The following ELOVL4 variants were observed in gnomAD, a reference collection of about 807,000 sequenced individuals.
The protein encoded by ELOVL4 is very long chain fatty acid elongase 4.
Under a neutral mutation model 42.1 loss-of-function variants are expected in ELOVL4, and 18 were observed. The ratio of observed to expected loss-of-function variants is 0.43; its 90% CI spans 0.30 to 0.63. The LOEUF (loss-of-function observed/expected upper bound fraction) is 0.63. Among genes scored for constraint, ELOVL4 ranks in the 30% least tolerant of loss-of-function variants. ELOVL4 has a pLI of 0.15. For missense variants in ELOVL4, 299 were observed against 376.2 expected (o/e 0.79, Z 1.70); for synonymous variants, 117 against 127.0 (o/e 0.92, Z 0.53).
chr6:79,924,024 A>G (rs2127698955), intron 3 of ELOVL4, among the ~76,000 whole-genome samples: 1 of 152,332 alleles, frequency 6.6e-6, no homozygotes. Flanking sequence ...TATGTTTTAT[A>G]TGTAATTTCT....
chr6:79,921,365 G>A (rs1052314099), intron 4 of ELOVL4, among the ~76,000 whole-genome samples: 3 of 148,668 alleles, frequency 2.0e-5, no homozygotes, highest in African/African-American at 7.4e-5. Context: ...GGAGGCTGAG[G>A]CAGGAGAATC....
Position 79,926,384 on chromosome 6 carries a change from A to G in ELOVL4, c.101-3T>C. The stretch of plus-strand genomic sequence containing the variant: ...AGGCCAATTTTCCACACGCTTATCT[A>G]TAGAGAGAACAAAATACCATAAAAT... On this transcript the variant is annotated splice_region_variant and splice_polypyrimidine_tract_variant and intron_variant, in intron 1 of 5. Transcript: ENST00000369816. 6.2e-7 allele frequency: 1 copy of G among 1,613,330 alleles called. No individual in the cohort carries two copies. Among genetic ancestry groups the G allele is most frequent in the South Asian group, 1.1e-5 (1 of 91,030 alleles).
chr6:79,921,049 A>G (rs1774243557), intron 4 of ELOVL4, among the ~76,000 whole-genome samples: 1 of 152,198 alleles, frequency 6.6e-6, no homozygotes, highest in Admixed American at 6.5e-5. Context: ...CCCGTTCCCC[A>G]TCAAAATATT....
chr6:79,924,712 G>A (rs901961306), intron 3 of ELOVL4, among the ~76,000 whole-genome samples: 12 of 152,186 alleles, frequency 7.9e-5, no homozygotes, highest in South Asian at 2.1e-4. Context: ...GGGTACACCC[G>A]TAGTCCCAGC....
chr6:79,926,310 G>C lies in ELOVL4; in HGVS notation c.172C>G (p.Leu58Val), dbSNP rs1321417042. 1 of 1,614,016 alleles carries C rather than the reference G, an allele frequency of 6.2e-7. No individual in the cohort carries two copies. Among genetic ancestry groups the C allele is most frequent in the Admixed American group, 1.7e-5 (1 of 60,000 alleles). The change falls in exon 2 of 6, where the codon CTG (leucine) becomes GTG (valine). Residue 58 changes from leucine (L) to valine (V), a missense_variant. By Grantham distance (32) the Leu-to-Val change is conservative. Transcript: ENST00000369816. The stretch of plus-strand genomic sequence containing the variant: ...CATTTTGGACCCAGCCACACAAACA[G>C]GAGATAAAGAGTGCTTATACTTAGT... ...PTLSISTLYL[L>V]FVWLGPKWMK...
At chr6:79,925,183 T>C in intron 2 of ELOVL4, 151 bp from the exon 3 acceptor site, 5 of 611,114 alleles carry the variant, frequency 8.2e-6, no homozygotes, top group Non-Finnish European at 1.4e-5. Context: ...TGCATTCCGA[T>C]TGCTAGAAGT....
At chr6:79,936,688 A>G (rs1179711266) in intron 1 of ELOVL4, among the ~76,000 whole-genome samples, 1 of 152,226 alleles carries the variant, frequency 6.6e-6, no homozygotes, top group Non-Finnish European at 1.5e-5. Context: ...TATACATCTT[A>G]AAGGCCTCTC....
chr6:79,938,062 T>C (rs745415097), intron 1 of ELOVL4, among the ~76,000 whole-genome samples: 1 of 152,128 alleles, frequency 6.6e-6, no homozygotes, highest in Non-Finnish European at 1.5e-5. Flanking sequence ...CTTCAGAAAA[T>C]GGCCTATTCA....
At chr6:79,930,905 A>T (rs907707079) in intron 1 of ELOVL4, among the ~76,000 whole-genome samples, 1 of 152,146 alleles carries the variant, frequency 6.6e-6, no homozygotes, top group Non-Finnish European at 1.5e-5. Context: ...CAACATCCTA[A>T]TCCTACACAG....
intron 5 of ELOVL4, among the ~76,000 whole-genome samples, chr6:79,917,377 C>T (rs1018337373): frequency 4.6e-5 from 7 of 152,038 alleles, no homozygotes; most frequent in African/African-American, 1.7e-4. Flanking sequence ...ATTTTGTTTT[C>T]CTCCCACATT....
intron 1 of ELOVL4, among the ~76,000 whole-genome samples, chr6:79,931,222 G>A (rs933861151): frequency 6.6e-6 from 1 of 152,042 alleles, no homozygotes; most frequent in African/African-American, 2.4e-5. Flanking sequence ...ACCTTCATGT[G>A]TTAATAAATT....
chr6:79,919,496 T>C lies in ELOVL4; in HGVS notation c.593A>G (p.Tyr198Cys). ...NSFIHVIMYS[Y>C]YGLTAFGPWI... ...TGGGCCAAATGCAGTTAACCCATAG[T>C]ATGAGTACATAATCACATGGATAAA... Residue 198 changes from tyrosine to cysteine, a missense_variant, in exon 5 of 6, where the codon TAC (tyrosine) becomes TGC (cysteine). Coordinates refer to ENST00000369816, the MANE Select transcript of ELOVL4 (RefSeq NM_022726.4). 6.2e-7 allele frequency: 1 copy of C among 1,613,650 alleles called. No homozygotes were observed. Among genetic ancestry groups the C allele is most frequent in the East Asian group, 2.2e-5 (1 of 44,798 alleles).
At chr6:79,919,005 T>C (rs544263396) in intron 5 of ELOVL4, among the ~76,000 whole-genome samples, 60 of 152,114 alleles carry the variant, frequency 3.9e-4, no homozygotes, top group African/African-American at 1.3e-3. Flanking sequence ...AAAAATGAAA[T>C]AAAAAACAAA....
At chr6:79,931,095 G>A (rs1360481478) in intron 1 of ELOVL4, among the ~76,000 whole-genome samples, 1 of 152,104 alleles carries the variant, frequency 6.6e-6, no homozygotes, top group Non-Finnish European at 1.5e-5. Context: ...TGGTGGGGTG[G>A]AGGGGGAAAA....
chr6:79,935,364 G>GA (rs1221569734), intron 1 of ELOVL4, among the ~76,000 whole-genome samples: 1 of 151,608 alleles, frequency 6.6e-6, no homozygotes, highest in African/African-American at 2.4e-5. Flanking sequence ...TCTCCCAAAA[G>GA]AAAAAACAGT....
At chr6:79,946,511 C>T (rs72900937) in intron 1 of ELOVL4, among the ~76,000 whole-genome samples, 3,969 of 152,250 alleles carry the variant, frequency 0.026, 77 homozygotes, top group South Asian at 0.055. Context: ...TGGCCTCCCC[C>T]TCCCCCTGAC....
At chr6:79,934,849 A>G (rs1245333827) in intron 1 of ELOVL4, among the ~76,000 whole-genome samples, 1 of 152,216 alleles carries the variant, frequency 6.6e-6, no homozygotes, top group East Asian at 1.9e-4. Context: ...CTGATCAACC[A>G]CTAAATCCTC....
intron 1 of ELOVL4, among the ~76,000 whole-genome samples, chr6:79,932,199 T>C (rs1774456760): frequency 1.3e-5 from 2 of 152,210 alleles, no homozygotes; most frequent in Non-Finnish European, 2.9e-5. Flanking sequence ...ATTCAAAAAC[T>C]GTTCACTAAA....
At chr6:79,926,767 G>A (rs537395901) in intron 1 of ELOVL4, among the ~76,000 whole-genome samples, 1 of 152,302 alleles carries the variant, frequency 6.6e-6, no homozygotes, top group South Asian at 2.1e-4. Context: ...AAATTTATCA[G>A]GGCAGCTTGG....
Sources: allele counts gnomAD v4.1 joint callset (sites outside exome capture counted in the v4.1 genomes callset), GRCh38; gene constraint gnomAD v4.1.1; transcripts MANE v1.5; gene names NCBI Gene and HGNC (gene_info 2026-07-23, HGNC 2026-07-21).